Variants in ANO1 observed in about 807,000 individuals in gnomAD.
The protein encoded by ANO1 is anoctamin-1.
In ANO1, 59 loss-of-function variants were observed where a neutral mutation model predicts 124.0. That is an observed-to-expected ratio of 0.48 (90% CI 0.39 to 0.59). ANO1 has a LOEUF of 0.59. ANO1 is among the 20% of genes least tolerant of loss of function. ANO1 has a pLI of 0.00. For missense variants in ANO1, 1,059 were observed against 1,328.0 expected, an observed-to-expected ratio of 0.80 and a Z score of 3.15; for synonymous variants, 529 against 532.0, an observed-to-expected ratio of 0.99 and a Z score of 0.08.
At chr11:69,978,934 A>G in the ANO1 span, among the ~76,000 whole-genome samples, 12 of 152,200 alleles carry the variant, frequency 7.9e-5, no homozygotes, top group Non-Finnish European at 1.6e-4. Flanking sequence ...CATTGGTGCT[A>G]TTTATGCTGA....
chr11:70,098,197 C>T (rs554794621), intron 2 of ANO1, among the ~76,000 whole-genome samples: 10 of 152,290 alleles, frequency 6.6e-5, no homozygotes, highest in East Asian at 1.9e-4. Context: ...CACGGCTCCC[C>T]GCAGGGCTGG....
At chr11:70,184,628 C>CA (rs1271107626) in intron 24 of ANO1, among the ~76,000 whole-genome samples, 1 of 152,256 alleles carries the variant, frequency 6.6e-6, no homozygotes, top group Admixed American at 6.5e-5. Flanking sequence ...GGCTGCCTGA[C>CA]ACGCCTCTGC....
chr11:70,096,167 A>G (rs2044948071), intron 2 of ANO1, among the ~76,000 whole-genome samples: 1 of 152,164 alleles, frequency 6.6e-6, no homozygotes, highest in Non-Finnish European at 1.5e-5. Context: ...GGGGTTTCCC[A>G]AAGCCTCTGA....
chr11:70,032,543 G>GT (rs1857020838), intron 1 of ANO1, among the ~76,000 whole-genome samples: 1 of 151,146 alleles, frequency 6.6e-6, no homozygotes, highest in Non-Finnish European at 1.5e-5. Context: ...AGAGGGGGGG[G>GT]GTCTCTGAAG....
At position 70,118,447 on chromosome 11, in the gene ANO1, AG is replaced by A. The variant is rs753723692; in HGVS notation, c.897+1950del. Among the ~76,000 whole-genome samples the A allele has an allele frequency of 5.3e-5, 8 of 152,290 alleles. No homozygotes were observed. The South Asian group carries it at 1.5e-3, about 28-fold the overall frequency. ...ATTTTAGGTCCCAGCAGTGGATACA[AG>A]GCCTGGCCCATGGGGGTAGTCAAGG... is the stretch of plus-strand genomic sequence containing the variant. On this transcript the variant is annotated intron_variant, in intron 8 of 25. Transcript: ENST00000355303.
At chr11:69,985,619 G>A (rs964862384), upstream of ANO1, among the ~76,000 whole-genome samples, 2 of 152,208 alleles carry the variant, frequency 1.3e-5, no homozygotes, top group Non-Finnish European at 2.9e-5. Context: ...CTTCCCTGGG[G>A]CCCTGGCTGG....
At chr11:70,012,870 C>T (rs1375008660) in intron 1 of ANO1, among the ~76,000 whole-genome samples, 2 of 152,250 alleles carry the variant, frequency 1.3e-5, no homozygotes, top group Non-Finnish European at 2.9e-5. Flanking sequence ...ATCCATCCAT[C>T]CTTTCATTCA....
At chr11:70,151,302 T>C (rs541658966) in intron 12 of ANO1, among the ~76,000 whole-genome samples, 1 of 152,338 alleles carries the variant, frequency 6.6e-6, no homozygotes, top group East Asian at 1.9e-4. Flanking sequence ...GCCGATCTCA[T>C]TATCCTGTCC....
intron 16 of ANO1, 91 bp downstream of exon 16, chr11:70,157,112 A>G: frequency 8.2e-7 from 1 of 1,218,792 alleles, no homozygotes; most frequent in East Asian, 2.6e-5. Flanking sequence ...CACGACTGTA[A>G]TCCCAGCACT....
chr11:70,007,920 G>A (rs59570455), intron 1 of ANO1, among the ~76,000 whole-genome samples: 11,890 of 152,170 alleles, frequency 0.078, 564 homozygotes, highest in Non-Finnish European at 0.098. Flanking sequence ...TTTATGCTTC[G>A]GGTTATTATT....
chr11:70,028,228 G>A (rs1284660246), intron 1 of ANO1, among the ~76,000 whole-genome samples: 1 of 152,208 alleles, frequency 6.6e-6, no homozygotes, highest in Non-Finnish European at 1.5e-5. Flanking sequence ...AGCAGGCAGT[G>A]CCTGGGGATT....
chr11:70,080,430 C>T (rs1369681188), intron 1 of ANO1, among the ~76,000 whole-genome samples: 1 of 152,150 alleles, frequency 6.6e-6, no homozygotes, highest in Middle Eastern at 3.2e-3. Flanking sequence ...TACTCAAAGT[C>T]CCAAAGGTGG....
chr11:70,187,761 C>T lies in ANO1; in HGVS notation c.2718C>T (p.Asp906=), dbSNP rs1194413969. The T allele has an allele frequency of 6.2e-7, 1 of 1,609,398 alleles. No homozygotes were observed. The highest frequency in any genetic ancestry group is 1.1e-5 in the South Asian group (1 of 89,616). ...VFQNLVMFMS[D]FVDWVIPDIP... is the part of the protein sequence containing the mutation. ...AGAACCTGGTCATGTTCATGAGCGA[C>T]TTTGTGGACTGGGTCATCCCGGACA... Residue 906 remains aspartate (D), a synonymous_variant, in exon 26 of 26, where the codon GAC becomes GAT. Coordinates refer to ENST00000355303, the MANE Select transcript of ANO1 (RefSeq NM_018043.7).
At chr11:70,154,805 C>G (rs1168070831) in intron 14 of ANO1, among the ~76,000 whole-genome samples, 6 of 152,288 alleles carry the variant, frequency 3.9e-5, no homozygotes, top group East Asian at 3.9e-4. Flanking sequence ...AGGGTCTGAG[C>G]AGGACTCAAC....
rs147773308 is a variant in ANO1 at position 70,182,414 on chromosome 11, T to C, written c.2404-88T>C. On this transcript the variant is annotated intron_variant, in intron 23 of 25. Transcript: ENST00000355303. Reference sequence around the variant, plus strand: ...GCAGTGGCATATGGCCAGGGTCCAGTGTAACTGTGGATGGGTCACCCCCTG... The same window carrying C: ...GCAGTGGCATATGGCCAGGGTCCAGCGTAACTGTGGATGGGTCACCCCCTG... The C allele has an allele frequency of 2.6e-6, 3 of 1,160,514 alleles. No homozygotes were observed. In the East Asian group the frequency reaches 8.5e-5, roughly 33 times the overall value. The allele number at this position is 1,160,514 out of a possible 1,614,324, so 71.9% of individuals were successfully genotyped here. A position where few individuals can be genotyped will look rare whatever the true frequency, so the allele number is the denominator to read the frequency against.
At chr11:69,972,627 G>T in the ANO1 span, among the ~76,000 whole-genome samples, 2 of 152,086 alleles carry the variant, frequency 1.3e-5, no homozygotes, top group Admixed American at 6.6e-5. Context: ...TTGATAAGAC[G>T]GTCCTGTGTA....
At chr11:70,143,766 G>A (rs2047246428) in intron 11 of ANO1, among the ~76,000 whole-genome samples, 1 of 152,216 alleles carries the variant, frequency 6.6e-6, no homozygotes, top group Non-Finnish European at 1.5e-5. Flanking sequence ...CCTCCAAGAT[G>A]TGGCAGGTGC....
At chr11:70,107,869 G>A (rs188421396) in intron 5 of ANO1, among the ~76,000 whole-genome samples, 48 of 152,318 alleles carry the variant, frequency 3.2e-4, no homozygotes, top group South Asian at 6.2e-4. Flanking sequence ...TCCTGCCACC[G>A]TGGGGAATGG....
intron 1 of ANO1, among the ~76,000 whole-genome samples, chr11:70,058,330 G>A (rs1857488843): frequency 6.6e-6 from 1 of 152,166 alleles, no homozygotes; most frequent in African/African-American, 2.4e-5. Flanking sequence ...TACTAGGCCA[G>A]ATTGATTTAG....
Sources: allele counts gnomAD v4.1 joint callset (sites outside exome capture counted in the v4.1 genomes callset), GRCh38; gene constraint gnomAD v4.1.1; transcripts MANE v1.5; gene names NCBI Gene and HGNC (gene_info 2026-07-23, HGNC 2026-07-21).